The following ATP6V1E2 variants were observed in gnomAD, a reference collection of about 807,000 sequenced individuals.
The protein encoded by ATP6V1E2 is ATPase H+ transporting V1 subunit E2.
For missense variants in ATP6V1E2, 308 were observed against 273.3 expected (o/e 1.13, Z -0.90); for synonymous variants, 121 against 104.2 (o/e 1.16, Z -0.98).
intron 4 of ATP6V1E2, among the ~76,000 whole-genome samples, chr2:46,525,224 C>T (rs1666839143): frequency 1.3e-5 from 2 of 151,770 alleles, no homozygotes; most frequent in Admixed American, 1.3e-4. Flanking sequence ...CCTGTAATCC[C>T]AGTACTTTGG....
chr2:46,520,647 C>T lies in ATP6V1E2; in HGVS notation c.-101-7835G>A, dbSNP rs564834216. On this transcript the variant is annotated intron_variant, in intron 4 of 4. Coordinates refer to ENST00000522587, the MANE Select transcript of ATP6V1E2 (RefSeq NM_001318063.2). ...TTTAAGCCCCACCACTCCTTGATCTCTGGACTCCTCCTCCAAATGACAGCA... is the reference window on the plus strand; with the variant it reads ...TTTAAGCCCCACCACTCCTTGATCTTTGGACTCCTCCTCCAAATGACAGCA... Among the ~76,000 whole-genome samples, 6 of 152,374 alleles carry T rather than the reference C, an allele frequency of 3.9e-5. No homozygotes were observed. The South Asian group carries it at 1.2e-3, about 32-fold the overall frequency.
chr2:46,531,776 C>T (rs1667192645), intron 4 of ATP6V1E2, among the ~76,000 whole-genome samples: 1 of 152,206 alleles, frequency 6.6e-6, no homozygotes, highest in Admixed American at 6.5e-5. Context: ...TACCTAATGA[C>T]TAACTACTAA....
chr2:46,526,137 C>T lies in ATP6V1E2; in HGVS notation c.-102+9676G>A, dbSNP rs144104220. ...ATTTATTATTATTATTATTTTGAGA[C>T]GGAGTTTCACTCTTGTTGCCCAGGC... is the stretch of plus-strand genomic sequence containing the variant. On this transcript the variant is annotated intron_variant, in intron 4 of 4. Coordinates refer to ENST00000522587, the MANE Select transcript of ATP6V1E2 (RefSeq NM_001318063.2). Among the ~76,000 whole-genome samples the T allele has an allele frequency of 1.1e-3, 172 of 152,134 alleles. 1 individual carries two copies. Among genetic ancestry groups the T allele is most frequent in the African/African-American group, 3.7e-3 (152 of 41,502 alleles).
intron 4 of ATP6V1E2, among the ~76,000 whole-genome samples, chr2:46,526,196 A>AC (rs1251304471): frequency 6.6e-6 from 1 of 150,888 alleles, no homozygotes; most frequent in Non-Finnish European, 1.5e-5. Flanking sequence ...GCTCACTACA[A>AC]CCCCCGCCTC....
At chr2:46,537,076 C>T (rs1667481417) in intron 2 of ATP6V1E2, among the ~76,000 whole-genome samples, 1 of 152,214 alleles carries the variant, frequency 6.6e-6, no homozygotes. Context: ...AGCCACTTTG[C>T]CTGGCCTCTC....
In ATP6V1E2 at chr2:46,512,126, A is replaced by C; in HGVS notation, c.586T>G (p.Leu196Val). 1 of 1,614,122 alleles carries C rather than the reference A, an allele frequency of 6.2e-7. No homozygotes were observed. Among genetic ancestry groups the C allele is most frequent in the Non-Finnish European group, 8.5e-7 (1 of 1,180,026 alleles). ...GCTGAGAGATCCAGTCGGCTTTCCA[A>C]GGTATTTGAAACCTTTATTCTCTGA... is the stretch of plus-strand genomic sequence containing the variant. ...GNQRIKVSNT[L>V]ESRLDLSAKQ... The change falls in exon 5 of 5, where the codon TTG becomes GTG. Residue 196 changes from leucine to valine, a missense_variant. Transcript: ENST00000522587.
intron 1 of ATP6V1E2, chr2:46,541,742 A>T (rs1221197135): frequency 1.3e-5 from 2 of 152,248 alleles, no homozygotes; most frequent in Non-Finnish European, 2.9e-5. Context: ...CCCAATGCCC[A>T]GTGTTCAATG....
chr2:46,517,529 CCA>C (rs1218519623), intron 4 of ATP6V1E2, among the ~76,000 whole-genome samples: 2 of 152,146 alleles, frequency 1.3e-5, no homozygotes, highest in Non-Finnish European at 2.9e-5. Context: ...ATCAAACAAT[CCA>C]CAGAGTGAAA....
rs34450819 is a variant in ATP6V1E2, at chr2:46,542,195, ATT to A, written c.-374+20_-374+21del. 1.1e-3 allele frequency: 153 copies of A among 141,100 alleles called. No individual in the cohort carries two copies. Among genetic ancestry groups the A allele is most frequent in the Middle Eastern group, 3.8e-3 (1 of 266 alleles). 8.7% of individuals were successfully genotyped at this position (141,100 alleles called of 1,614,324 possible). On this transcript the variant is annotated intron_variant, in intron 1 of 4. Coordinates refer to ENST00000522587, the MANE Select transcript of ATP6V1E2 (RefSeq NM_001318063.2). ...ACCGCCACCACCCCACGCGCCTTAA[ATT>A]TTTTTTTTTTTTTTTTTACCCTTTT... is the stretch of plus-strand genomic sequence containing the variant.
chr2:46,541,902 G>A (rs1018861287), intron 1 of ATP6V1E2: 1 of 152,300 alleles, frequency 6.6e-6, no homozygotes, highest in African/African-American at 2.4e-5. Context: ...GAATACCTTT[G>A]AGGAACATTG....
rs1255692110 is a variant in ATP6V1E2, at chr2:46,530,330, C to A, written c.-102+5483G>T. Among the ~76,000 whole-genome samples, 2 of 152,042 alleles carry A rather than the reference C, an allele frequency of 1.3e-5. No homozygotes were observed. The highest frequency in any genetic ancestry group is 4.8e-5 in the African/African-American group (2 of 41,328). On this transcript the variant is annotated intron_variant, in intron 4 of 4. Coordinates refer to ENST00000522587, the MANE Select transcript of ATP6V1E2 (RefSeq NM_001318063.2). The surrounding 1 kb of genome is among the most constrained non-coding windows in gnomAD (Gnocchi z 5.2). Reference sequence around the variant, plus strand: ...GGATGATGGTGGTGGGTGGGGTGGTCATGCCCCCAATTCTGCCACTATCTC... The same window carrying A: ...GGATGATGGTGGTGGGTGGGGTGGTAATGCCCCCAATTCTGCCACTATCTC...
Position 46,512,049 on chromosome 2 carries a change from G to T in ATP6V1E2, c.663C>A (p.Asn221Lys), listed in dbSNP as rs1307328073. The T allele has an allele frequency of 8.8e-6, 14 of 1,598,684 alleles. No homozygotes were observed. Among genetic ancestry groups the T allele is most frequent in the Non-Finnish European group, 1.0e-5 (12 of 1,173,388 alleles). The part of the protein sequence containing the change: ...IRMALFGANT[N>K]RKFFI ...CAGAGGCTTATATAAAGAACTTTCT[G>T]TTGGTGTTAGCACCAAACAAGGCCA... The change falls in exon 5 of 5, where the codon AAC (asparagine) becomes AAA (lysine). Residue 221 changes from asparagine (N) to lysine (K), a missense_variant. Physicochemically the swap from Asn to Lys is moderately conservative, Grantham distance 94. Transcript: ENST00000522587.
chr2:46,517,169 G>C (rs1687750457), intron 4 of ATP6V1E2, among the ~76,000 whole-genome samples: 1 of 152,098 alleles, frequency 6.6e-6, no homozygotes, highest in African/African-American at 2.4e-5. Context: ...GAAGAGCCCA[G>C]AAATAAACCC....
intron 4 of ATP6V1E2, among the ~76,000 whole-genome samples, chr2:46,523,682 T>A (rs1013271379): frequency 6.6e-6 from 1 of 152,208 alleles, no homozygotes; most frequent in Non-Finnish European, 1.5e-5. Flanking sequence ...CCAGCTTGGT[T>A]CTTTTTGCTT....
intron 2 of ATP6V1E2, among the ~76,000 whole-genome samples, chr2:46,537,198 C>G (rs1393816274): frequency 1.3e-5 from 2 of 152,224 alleles, no homozygotes; most frequent in Non-Finnish European, 2.9e-5. Context: ...TTCCCCCAGA[C>G]TTGTCACCCA....
chr2:46,515,185 A>G (rs1442342810), intron 4 of ATP6V1E2, among the ~76,000 whole-genome samples: 1 of 152,248 alleles, frequency 6.6e-6, no homozygotes, highest in South Asian at 2.1e-4. Flanking sequence ...ATGAAAGTGT[A>G]AAGCTCACTA....
At chr2:46,523,146 G>A (rs1282652058) in intron 4 of ATP6V1E2, among the ~76,000 whole-genome samples, 1 of 152,046 alleles carries the variant, frequency 6.6e-6, no homozygotes, top group Non-Finnish European at 1.5e-5. Context: ...ACCTTTGTCA[G>A]GTGAGTAGAT....
In ATP6V1E2 at chr2:46,512,582, G is replaced by C; in HGVS notation, c.130C>G (p.Arg44Gly). The C allele has an allele frequency of 6.2e-7, 1 of 1,614,112 alleles. No individual in the cohort carries two copies. Among genetic ancestry groups the C allele is most frequent in the Non-Finnish European group, 8.5e-7 (1 of 1,180,028 alleles). The change falls in exon 5 of 5, where the codon CGC becomes GGC. Residue 44 changes from arginine to glycine, a missense_variant. Transcript: ENST00000522587. Reference sequence around the variant, plus strand: ...TTCAGTCGTTGGGTTTGCACGAGGCGTCCTTTCTCAATGTTAAACTCTTCC... The same window carrying C: ...TTCAGTCGTTGGGTTTGCACGAGGCCTCCTTTCTCAATGTTAAACTCTTCC... ...AEEEFNIEKG[R>G]LVQTQRLKIM... is the part of the protein sequence containing the mutation.
At chr2:46,524,503 T>C (rs1666794623) in intron 4 of ATP6V1E2, among the ~76,000 whole-genome samples, 1 of 152,198 alleles carries the variant, frequency 6.6e-6, no homozygotes, top group Non-Finnish European at 1.5e-5. Context: ...GAGACCCAAC[T>C]TTAAGCAATG....
Sources: gnomAD v4.1 joint callset for allele counts (sites outside exome capture counted in the v4.1 genomes callset) on GRCh38, gnomAD v4.1.1 for gene constraint, Gnocchi (gnomAD v3.1) non-coding constraint, MANE v1.5 for transcripts, NCBI Gene and HGNC (gene_info 2026-07-23, HGNC 2026-07-21) for gene names.